The following F11 variants were observed in gnomAD, a reference collection of about 807,000 sequenced individuals.
F11 encodes coagualtion factor XI.
A neutral mutation model predicts 76.5 loss-of-function variants in F11; 78 were observed. The observed-to-expected ratio is 1.02, with a 90% CI of 0.85 to 1.23. F11 has a LOEUF of 1.23. Ranked by LOEUF, F11 falls within the 50% of genes most tolerant of loss-of-function variation. F11 has a pLI of 0.00. For missense variants in F11, 742 were observed against 771.4 expected (o/e 0.96, Z 0.45); for synonymous variants, 278 against 276.3 (o/e 1.01, Z -0.06).
intron 11 of F11, among the ~76,000 whole-genome samples, chr4:186,284,623 A>ATG (rs34783500): frequency 0.047 from 7,068 of 150,356 alleles, 471 homozygotes; most frequent in African/African-American, 0.15. Context: ...AATTTCTAAT[A>ATG]TGTGTGTGTG....
intron 7 of F11, among the ~76,000 whole-genome samples, chr4:186,278,449 G>T (rs1186373663): frequency 6.6e-6 from 1 of 152,140 alleles, no homozygotes; most frequent in Admixed American, 6.5e-5. Flanking sequence ...TGAAGGCTGG[G>T]GATACCATTT....
chr4:186,275,307 A>G, intron 5 of F11: 1 of 386,588 alleles, frequency 2.6e-6, no homozygotes. Flanking sequence ...CCTGACCAAT[A>G]TGGTGAAACC....
chr4:186,274,213 G>A lies in F11; in HGVS notation c.423G>A (p.Thr141=), dbSNP rs771153790. The change falls in exon 5 of 15, where the codon ACG becomes ACA. Residue 141 remains threonine, a synonymous_variant. Transcript: ENST00000403665. ...CTCAAGAATGCCAAGAAAGATGCACGGATGACGTCCACTGCCACTTTTTCA... is the reference window on the plus strand; with the variant it reads ...CTCAAGAATGCCAAGAAAGATGCACAGATGACGTCCACTGCCACTTTTTCA... ...KSAQECQERC[T]DDVHCHFFTY... 5.6e-6 allele frequency: 9 copies of A among 1,614,082 alleles called. No individual in the cohort carries two copies. The highest frequency in any genetic ancestry group is 1.7e-5 in the Admixed American group (1 of 59,998).
At chr4:186,274,427 C>G (rs1740219780) in intron 5 of F11, 152 bp downstream of exon 5, 1 of 913,360 alleles carries the variant, frequency 1.1e-6, no homozygotes, top group East Asian at 2.6e-5. Context: ...ATGAAAAATA[C>G]ACTTAAAGCC....
chr4:186,278,401 G>A (rs1740539494), intron 7 of F11, among the ~76,000 whole-genome samples: 1 of 152,178 alleles, frequency 6.6e-6, no homozygotes, highest in Non-Finnish European at 1.5e-5. Flanking sequence ...AAATTTAGTA[G>A]AATTTGTTTG....
intron 11 of F11, among the ~76,000 whole-genome samples, chr4:186,284,987 C>G (rs924420557): frequency 6.6e-6 from 1 of 152,118 alleles, no homozygotes; most frequent in African/African-American, 2.4e-5. Context: ...GTTCGGTATG[C>G]ATCCTCACAT....
intron 10 of F11, 125 bp from the exon 11 acceptor site, chr4:186,283,967 C>G (rs139519949): frequency 6.7e-7 from 1 of 1,481,596 alleles, no homozygotes; most frequent in Admixed American, 1.8e-5. Context: ...TATAAAGTCT[C>G]TGTAACTCAG....
chr4:186,281,693 T>C (rs1412481502), intron 10 of F11, among the ~76,000 whole-genome samples: 2 of 152,250 alleles, frequency 1.3e-5, no homozygotes, highest in Non-Finnish European at 2.9e-5. Context: ...TTATACTGTT[T>C]ATTGCCAAAT....
chr4:186,290,133 C>T (rs1342531451), downstream of F11, among the ~76,000 whole-genome samples: 1 of 151,634 alleles, frequency 6.6e-6, no homozygotes, highest in Non-Finnish European at 1.5e-5. Context: ...TATATAGGTT[C>T]AAGCTGAAAT....
chr4:186,267,449 T>C (rs1405659037), intron 2 of F11, among the ~76,000 whole-genome samples: 2 of 152,212 alleles, frequency 1.3e-5, no homozygotes, highest in Non-Finnish European at 2.9e-5. Flanking sequence ...TTAAATGATA[T>C]TTAAAAGCAA....
chr4:186,275,289 G>A (rs376798377), intron 5 of F11: 18 of 422,216 alleles, frequency 4.3e-5, no homozygotes, highest in African/African-American at 2.9e-4. Context: ...TCAGGAGTTC[G>A]ACACCAGCCT....
At chr4:186,274,526 G>A (rs746228059) in intron 5 of F11, 7 of 515,062 alleles carry the variant, frequency 1.4e-5, no homozygotes, top group South Asian at 4.3e-5. Flanking sequence ...TTTCAAAAGC[G>A]CTACACTTTT....
chr4:186,281,312 A>G (rs1488279668), intron 10 of F11, among the ~76,000 whole-genome samples: 1 of 152,224 alleles, frequency 6.6e-6, no homozygotes, highest in Non-Finnish European at 1.5e-5. Context: ...TCTATTCAAG[A>G]AATACTGGAG....
In F11 at chr4:186,282,860, C is replaced by T. The variant is rs4253854; in HGVS notation, c.1136-1232C>T. The T allele has an allele frequency of 7.3e-4, 722 of 985,244 alleles. 6 individuals are homozygous for T. In the African/African-American group the frequency reaches 0.012, roughly 16 times the overall value. The allele number at this position is 985,244 out of a possible 1,614,324, so 61.0% of individuals were successfully genotyped here. A position where few individuals can be genotyped will look rare whatever the true frequency, so the allele number is the denominator to read the frequency against. On this transcript the variant is annotated intron_variant, in intron 10 of 14. Transcript: ENST00000403665. The stretch of plus-strand genomic sequence containing the variant: ...GAACTCCTTCTCTCATCCTCTCCTC[C>T]TATTTGAAATCTGCCCCAGAATTAT...
At chr4:186,277,229 T>C (rs1740455245) in intron 7 of F11, among the ~76,000 whole-genome samples, 1 of 152,184 alleles carries the variant, frequency 6.6e-6, no homozygotes, top group African/African-American at 2.4e-5. Flanking sequence ...CTGCAAAAGA[T>C]ATGATTTTAT....
Position 186,273,086 on chromosome 4 carries a change from G to C in F11, c.234G>C (p.Leu78=). 1.9e-6 allele frequency: 3 copies of C among 1,612,388 alleles called. No homozygotes were observed. The African/African-American group carries it at 4.0e-5, about 21-fold the overall frequency. ...AAAAAAACAGGTTTACTTGTGTCCT[G>C]AAAGACAGTGTTACAGAAACACTGC... ...EDPTRWFTCV[L]KDSVTETLPR... Residue 78 remains leucine (L), a synonymous_variant, in exon 4 of 15, where the codon CTG becomes CTC. Coordinates refer to ENST00000403665, the MANE Select transcript of F11 (RefSeq NM_000128.4).
At chr4:186,285,848 T>C (rs369827479) in intron 12 of F11, 35 bp downstream of exon 12, 2 of 1,608,456 alleles carry the variant, frequency 1.2e-6, no homozygotes, top group Non-Finnish European at 1.7e-6. Context: ...TTGTCTCCAA[T>C]GGTGAACTGG....
chr4:186,287,555 G>T (rs974931741), intron 13 of F11, 129 bp from the exon 14 acceptor site: 32 of 302,078 alleles, frequency 1.1e-4, no homozygotes, highest in African/African-American at 6.6e-4. Context: ...CTGCACTCCA[G>T]CCTGGGCGAC....
In F11 at chr4:186,287,733, C is replaced by CGAAGAGTGCCAGAAGAGATA. The variant is rs761319072; in HGVS notation, c.1627_1646dup (p.Tyr549Ter). ...AAGCCAAGATACCCTTAGTGACCAA[C>CGAAGAGTGCCAGAAGAGATA]GAAGAGTGCCAGAAGAGATACAGAG... On this transcript the variant is annotated frameshift_variant, in exon 14 of 15. Coordinates refer to ENST00000403665, the MANE Select transcript of F11 (RefSeq NM_000128.4). LOFTEE classifies it high-confidence loss of function. 1 of 1,613,330 alleles carries CGAAGAGTGCCAGAAGAGATA rather than the reference C, an allele frequency of 6.2e-7. No individual in the cohort carries two copies. Among genetic ancestry groups the CGAAGAGTGCCAGAAGAGATA allele is most frequent in the Non-Finnish European group, 8.5e-7 (1 of 1,179,732 alleles).
Sources: allele counts gnomAD v4.1 joint callset (sites outside exome capture counted in the v4.1 genomes callset), GRCh38; gene constraint gnomAD v4.1.1; transcripts MANE v1.5; gene names NCBI Gene and HGNC (gene_info 2026-07-23, HGNC 2026-07-21).